The following PLXDC2 variants were observed in gnomAD, a reference collection of about 807,000 sequenced individuals.
PLXDC2 encodes plexin domain containing 2, also known as plexin domain-containing protein 2.
PLXDC2 carries 40 observed loss-of-function variants against 68.9 expected under a neutral mutation model. That is an observed-to-expected ratio of 0.58 (90% confidence interval 0.45 to 0.76). The LOEUF is 0.76. Among genes scored for constraint, PLXDC2 ranks in the 30% least tolerant of loss-of-function variants. PLXDC2 has a pLI of 0.00. For missense variants in PLXDC2, 644 were observed against 661.9 expected (o/e 0.97, Z 0.30); for synonymous variants, 243 against 234.2 (o/e 1.04, Z -0.34).
intron 1 of PLXDC2, among the ~76,000 whole-genome samples, chr10:19,823,604 C>T (rs1836519100): frequency 6.6e-6 from 1 of 151,004 alleles, no homozygotes; most frequent in Non-Finnish European, 1.5e-5. Flanking sequence ...AATCGCTTGA[C>T]CCGGGAGGTG....
At chr10:19,868,016 A>G (rs1471057113) in intron 1 of PLXDC2, among the ~76,000 whole-genome samples, 1 of 152,210 alleles carries the variant, frequency 6.6e-6, no homozygotes, top group Non-Finnish European at 1.5e-5. Flanking sequence ...TTTAGAAATT[A>G]AAACTGTTAT....
At chr10:19,875,852 C>G (rs1388559688) in intron 1 of PLXDC2, among the ~76,000 whole-genome samples, 1 of 152,060 alleles carries the variant, frequency 6.6e-6, no homozygotes, top group African/African-American at 2.4e-5. Flanking sequence ...CTCTCTAGTT[C>G]AATGTCATGT....
At chr10:20,078,500 G>GTGTT (rs1836491740) in intron 4 of PLXDC2, among the ~76,000 whole-genome samples, 1 of 152,170 alleles carries the variant, frequency 6.6e-6, no homozygotes. Flanking sequence ...GTAAAAATGA[G>GTGTT]TGTTATAAGA....
At chr10:20,221,177 A>G (rs902363441) in intron 12 of PLXDC2, among the ~76,000 whole-genome samples, 12 of 152,106 alleles carry the variant, frequency 7.9e-5, no homozygotes, top group African/African-American at 2.7e-4. Flanking sequence ...TCATGCACTT[A>G]ATGTTTTATG....
intron 12 of PLXDC2, among the ~76,000 whole-genome samples, chr10:20,226,908 C>T (rs1003173513): frequency 6.6e-6 from 1 of 151,912 alleles, no homozygotes; most frequent in African/African-American, 2.4e-5. Context: ...AAGAAACTTC[C>T]ATATACCATT....
rs10633613 is a variant in PLXDC2 at position 20,238,677 on chromosome 10, G to GTATATATATA, written c.1313-6661_1313-6652dup. On this transcript the variant is annotated intron_variant, in intron 12 of 13. Coordinates refer to ENST00000377252, the MANE Select transcript of PLXDC2 (RefSeq NM_032812.9). The stretch of plus-strand genomic sequence containing the variant: ...TCTCAAAAAAAATATATATATATAT[G>GTATATATATA]TATATATATATATATACACACATAT... Among the ~76,000 whole-genome samples the GTATATATATA allele has an allele frequency of 4.0e-4, 31 of 76,894 alleles. 1 individual carries two copies. The highest frequency in any genetic ancestry group is 9.9e-4 in the African/African-American group (21 of 21,196). 50.4% of individuals were successfully genotyped at this position (76,894 alleles called of 152,430 possible).
At chr10:20,062,261 T>C (rs10764190) in intron 3 of PLXDC2, among the ~76,000 whole-genome samples, 16,292 of 152,164 alleles carry the variant, frequency 0.11, 1,013 homozygotes, top group South Asian at 0.29. Context: ...CCGTCTCTAC[T>C]AAAAACACAA....
intron 13 of PLXDC2, among the ~76,000 whole-genome samples, chr10:20,265,720 A>G (rs1182510568): frequency 6.6e-6 from 1 of 152,188 alleles, no homozygotes; most frequent in African/African-American, 2.4e-5. Flanking sequence ...CTAACTACTT[A>G]CTATAATTCA....
intron 13 of PLXDC2, among the ~76,000 whole-genome samples, chr10:20,270,857 C>G (rs1362326533): frequency 6.6e-6 from 1 of 151,098 alleles, no homozygotes; most frequent in African/African-American, 2.4e-5. Context: ...TTAAAAACAT[C>G]AGAAGGCTTA....
chr10:20,176,328 T>C (rs1313549702), intron 7 of PLXDC2, among the ~76,000 whole-genome samples: 1 of 152,060 alleles, frequency 6.6e-6, no homozygotes, highest in East Asian at 1.9e-4. Context: ...TTGATATATT[T>C]ATACATGCTG....
chr10:19,948,832 T>G (rs7895935), intron 1 of PLXDC2, among the ~76,000 whole-genome samples: 17,088 of 152,104 alleles, frequency 0.11, 1,055 homozygotes, highest in East Asian at 0.25. Flanking sequence ...TGCATTATTA[T>G]TTAATAAGTG....
chr10:20,102,054 G>A (rs573871056), intron 4 of PLXDC2, among the ~76,000 whole-genome samples: 15 of 152,052 alleles, frequency 9.9e-5, no homozygotes, highest in African/African-American at 3.1e-4. Flanking sequence ...CTCCCGCCTC[G>A]CCTATCAAAG....
chr10:20,175,797 C>T (rs1834518785), intron 7 of PLXDC2, among the ~76,000 whole-genome samples: 1 of 152,136 alleles, frequency 6.6e-6, no homozygotes, highest in African/African-American at 2.4e-5. Context: ...GCACCACTGA[C>T]TGGGCAACAG....
intron 3 of PLXDC2, among the ~76,000 whole-genome samples, chr10:20,060,084 T>C (rs1836072653): frequency 1.3e-5 from 2 of 152,158 alleles, no homozygotes; most frequent in South Asian, 4.1e-4. Flanking sequence ...CCAGGCTGGA[T>C]TGCAGTGGTG....
chr10:20,222,566 C>T (rs551848477), intron 12 of PLXDC2, among the ~76,000 whole-genome samples: 1 of 152,122 alleles, frequency 6.6e-6, no homozygotes, highest in African/African-American at 2.4e-5. Context: ...TCTAAGCTCT[C>T]TAAATAATCT....
intron 4 of PLXDC2, among the ~76,000 whole-genome samples, chr10:20,136,675 C>T (rs980208228): frequency 3.9e-5 from 6 of 152,266 alleles, no homozygotes; most frequent in South Asian, 4.2e-4. Context: ...CAGTACATAA[C>T]GTTATAACAA....
At chr10:20,035,554 G>T (rs541442349) in intron 2 of PLXDC2, among the ~76,000 whole-genome samples, 1 of 152,034 alleles carries the variant, frequency 6.6e-6, no homozygotes, top group East Asian at 1.9e-4. Context: ...AAATTAGCTG[G>T]GCATGGTGGT....
intron 1 of PLXDC2, among the ~76,000 whole-genome samples, chr10:19,991,422 C>T (rs1194424210): frequency 7.2e-6 from 1 of 138,936 alleles, no homozygotes; most frequent in Non-Finnish European, 1.5e-5. Flanking sequence ...TTTTTAAATT[C>T]AAAATCATAT....
chr10:20,017,559 C>G (rs1393332883), intron 2 of PLXDC2, among the ~76,000 whole-genome samples: 1 of 152,184 alleles, frequency 6.6e-6, no homozygotes, highest in Non-Finnish European at 1.5e-5. Context: ...CTATTAACCA[C>G]TATTTTGGAT....
Sources: allele counts gnomAD v4.1 joint callset (sites outside exome capture counted in the v4.1 genomes callset), GRCh38; gene constraint gnomAD v4.1.1; transcripts MANE v1.5; gene names NCBI Gene and HGNC (gene_info 2026-07-23, HGNC 2026-07-21).